Variants in FYB1 observed in about 807,000 individuals in gnomAD.
FYB1 encodes the protein FYN-binding protein 1.
A neutral mutation model predicts 94.1 loss-of-function variants in FYB1; 41 were observed. That is an observed-to-expected ratio of 0.44 (90% CI 0.34 to 0.57). The LOEUF is 0.57. Ranked by LOEUF, FYB1 falls within the 20% of genes least tolerant of loss-of-function variation. The pLI is 0.02. For missense variants in FYB1, 1,050 were observed against 976.8 expected (o/e 1.07, Z -1.00); for synonymous variants, 367 against 353.2 (o/e 1.04, Z -0.44).
At chr5:39,245,947 T>C (rs1168092050) in intron 1 of FYB1, among the ~76,000 whole-genome samples, 4 of 152,336 alleles carry the variant, frequency 2.6e-5, no homozygotes, top group Admixed American at 2.0e-4. Flanking sequence ...TTGTCCATTA[T>C]AGATCTTTCT....
At chr5:39,237,326 G>A (rs1751010314) in intron 1 of FYB1, among the ~76,000 whole-genome samples, 1 of 152,046 alleles carries the variant, frequency 6.6e-6, no homozygotes, top group African/African-American at 2.4e-5. Context: ...TGCATACATG[G>A]AAGTAAAAGG....
At chr5:39,147,421 A>G (rs1284578395) in intron 3 of FYB1, among the ~76,000 whole-genome samples, 1 of 148,978 alleles carries the variant, frequency 6.7e-6, no homozygotes, top group African/African-American at 2.5e-5. Context: ...GGCACGTGTT[A>G]CCATGCCCAG....
intron 1 of FYB1, among the ~76,000 whole-genome samples, chr5:39,240,178 T>C (rs1363964738): frequency 6.6e-6 from 1 of 152,174 alleles, no homozygotes; most frequent in East Asian, 1.9e-4. Flanking sequence ...TAAGGCAGTA[T>C]GTATTAAAAA....
chr5:39,215,229 A>G (rs764436835), intron 1 of FYB1, among the ~76,000 whole-genome samples: 26 of 152,216 alleles, frequency 1.7e-4, no homozygotes, highest in Non-Finnish European at 3.1e-4. Context: ...AAGAATGTTA[A>G]AAAAGGTGTT....
chr5:39,270,545 A>C, intron 1 of FYB1: 1 of 1,532,786 alleles, frequency 6.5e-7, no homozygotes, highest in Non-Finnish European at 8.7e-7. Flanking sequence ...GAGACCAAGG[A>C]GAGTTATAAA....
chr5:39,258,032 G>C (rs1752039733), intron 1 of FYB1, among the ~76,000 whole-genome samples: 2 of 152,128 alleles, frequency 1.3e-5, no homozygotes, highest in Admixed American at 1.3e-4. Context: ...CAGGTGGCTG[G>C]GCCCCACCTC....
intron 9 of FYB1, among the ~76,000 whole-genome samples, chr5:39,132,581 G>A (rs1125509): frequency 0.042 from 6,439 of 152,206 alleles, 486 homozygotes; most frequent in African/African-American, 0.15. Flanking sequence ...CAGGTTTTTA[G>A]AGTCGTGGTA....
Position 39,202,910 on chromosome 5 carries a change from A to G in FYB1, c.51T>C (p.Asn17=). The G allele has an allele frequency of 6.2e-7, 1 of 1,613,992 alleles. No homozygotes were observed. Among genetic ancestry groups the G allele is most frequent in the Non-Finnish European group, 8.5e-7 (1 of 1,179,892 alleles). ...GGNPTEDVSV[N]SRPFRVTGPN... is the part of the protein sequence containing the mutation. ...GCCCTGTGACTCTGAAGGGTCGGCT[A>G]TTGACTGAGACATCCTCTGTCGGGT... Residue 17 remains asparagine, a synonymous_variant, in exon 2 of 19, where the codon AAT becomes AAC. Transcript: ENST00000512982.
intron 3 of FYB1, among the ~76,000 whole-genome samples, chr5:39,148,757 A>G (rs1373126838): frequency 6.6e-6 from 1 of 152,066 alleles, no homozygotes; most frequent in Non-Finnish European, 1.5e-5. Flanking sequence ...CTTTAAACTA[A>G]CTATGAATGA....
intron 2 of FYB1, among the ~76,000 whole-genome samples, chr5:39,180,944 C>T (rs1746164937): frequency 6.6e-6 from 1 of 151,858 alleles, no homozygotes; most frequent in African/African-American, 2.4e-5. Flanking sequence ...CCATATATTT[C>T]TGGAACAGAA....
intron 12 of FYB1, among the ~76,000 whole-genome samples, chr5:39,125,246 A>C (rs929538975): frequency 6.6e-6 from 1 of 152,172 alleles, no homozygotes; most frequent in African/African-American, 2.4e-5. Flanking sequence ...AACATCTTAT[A>C]AAGACTTGAG....
chr5:39,257,514 C>T (rs1751990436), intron 1 of FYB1, among the ~76,000 whole-genome samples: 1 of 151,450 alleles, frequency 6.6e-6, no homozygotes, highest in African/African-American at 2.4e-5. Flanking sequence ...GATATTCACA[C>T]ATAAACCCAT....
chr5:39,241,214 T>G (rs1751190861), intron 1 of FYB1, among the ~76,000 whole-genome samples: 1 of 152,206 alleles, frequency 6.6e-6, no homozygotes, highest in Non-Finnish European at 1.5e-5. Flanking sequence ...TTGGGTACTA[T>G]GCTGATTACC....
At chr5:39,169,650 G>T in intron 2 of FYB1, 1 of 441,802 alleles carries the variant, frequency 2.3e-6, no homozygotes, top group Non-Finnish European at 4.4e-6. Flanking sequence ...TTCGAGACCA[G>T]TCTGGCCAAC....
intron 1 of FYB1, among the ~76,000 whole-genome samples, chr5:39,216,817 C>T (rs1373784751): frequency 6.6e-6 from 1 of 152,214 alleles, no homozygotes; most frequent in African/African-American, 2.4e-5. Flanking sequence ...ATTTCACCTG[C>T]ACTTAGAAGC....
intron 2 of FYB1, among the ~76,000 whole-genome samples, chr5:39,158,617 G>A (rs1446633333): frequency 1.3e-5 from 2 of 152,046 alleles, no homozygotes; most frequent in Non-Finnish European, 1.5e-5. Context: ...TGCTGGTTCT[G>A]GATACTTTTA....
intron 1 of FYB1, among the ~76,000 whole-genome samples, chr5:39,257,537 A>G (rs1751991406): frequency 6.6e-6 from 1 of 152,120 alleles, no homozygotes; most frequent in African/African-American, 2.4e-5. Context: ...AACTCTTAAA[A>G]TAAACTTAAC....
At chr5:39,235,030 T>C (rs1461753039) in intron 1 of FYB1, among the ~76,000 whole-genome samples, 2 of 147,318 alleles carry the variant, frequency 1.4e-5, no homozygotes, top group African/African-American at 4.9e-5. Context: ...ACCTTCTGCA[T>C]ATGTATCCAA....
intron 2 of FYB1, among the ~76,000 whole-genome samples, chr5:39,196,598 C>A (rs907673876): frequency 8.5e-5 from 13 of 152,186 alleles, no homozygotes; most frequent in African/African-American, 2.7e-4. Context: ...TGGCTTCTGT[C>A]TTCATGGAGC....
Sources: allele counts gnomAD v4.1 joint callset (sites outside exome capture counted in the v4.1 genomes callset), GRCh38; gene constraint gnomAD v4.1.1; transcripts MANE v1.5; gene names NCBI Gene and HGNC (gene_info 2026-07-23, HGNC 2026-07-21).